ZCWPW1: variants seen among roughly 807,000 people sequenced by gnomAD.
ZCWPW1 encodes zinc finger CW-type PWWP domain protein 1.
Under a neutral mutation model 81.3 loss-of-function variants are expected in ZCWPW1, and 56 were observed. The ratio of observed to expected loss-of-function variants is 0.69; its 90% confidence interval spans 0.56 to 0.86. The LOEUF is 0.86. Ranked by LOEUF, ZCWPW1 falls within the 40% of genes least tolerant of loss-of-function variation. The pLI is 0.00. For synonymous variants in ZCWPW1, 250 were observed against 273.7 expected (o/e 0.91, Z 0.86); for missense variants, 650 against 769.8 (o/e 0.84, Z 1.84).
intron 9 of ZCWPW1, among the ~76,000 whole-genome samples, chr7:100,408,870 G>GCTGGAACCAGCTGAAATA (rs1793605301): frequency 6.7e-6 from 1 of 149,848 alleles, no homozygotes; most frequent in Non-Finnish European, 1.5e-5. Flanking sequence ...CAGCTGAAAT[G>GCTGGAACCAGCTGAAATA]CAGCTGGAGG....
At position 100,417,074 on chromosome 7, in the gene ZCWPW1, A is replaced by T. The variant is rs769041671; in HGVS notation, c.471T>A (p.Asn157Lys). Residue 157 changes from asparagine to lysine, a missense_variant, in exon 6 of 18, where the codon AAT (asparagine) becomes AAA (lysine). Transcript: ENST00000684423. ...CACTGAAATAAACTTACCCATTAGCATTATCAGTATCAGTAGCAGAAGCAG... is the reference window on the plus strand; with the variant it reads ...CACTGAAATAAACTTACCCATTAGCTTTATCAGTATCAGTAGCAGAAGCAG... ...GITASATDTD[N>K]ANGEEVPHTQ... The T allele has an allele frequency of 2.5e-6, 4 of 1,613,406 alleles. No individual in the cohort carries two copies. The Admixed American group carries it at 6.7e-5, about 27-fold the overall frequency.
intron 8 of ZCWPW1, among the ~76,000 whole-genome samples, chr7:100,412,712 G>A (rs1223226358): frequency 6.6e-6 from 1 of 152,098 alleles, no homozygotes; most frequent in Non-Finnish European, 1.5e-5. Flanking sequence ...CTCCCGAATA[G>A]CTGGGACTAC....
chr7:100,405,483 C>T (rs1260701054), intron 12 of ZCWPW1, among the ~76,000 whole-genome samples: 2 of 151,898 alleles, frequency 1.3e-5, no homozygotes, highest in African/African-American at 4.8e-5. Flanking sequence ...GAGAAGTGAC[C>T]CCAGCATACT....
At chr7:100,401,464 A>C in intron 17 of ZCWPW1, 128 bp from the exon 18 acceptor site, 1 of 902,782 alleles carries the variant, frequency 1.1e-6, no homozygotes, top group Non-Finnish European at 1.6e-6. Flanking sequence ...AATACAAAGA[A>C]TATGGACTTT....
At chr7:100,427,567 C>T (rs1446616711) in intron 1 of ZCWPW1, among the ~76,000 whole-genome samples, 2 of 151,878 alleles carry the variant, frequency 1.3e-5, no homozygotes, top group African/African-American at 4.8e-5. Flanking sequence ...GGCACAGTGG[C>T]GGGCGCCTGT....
At chr7:100,418,801 A>AT (rs200101141) in intron 5 of ZCWPW1, 3,220 of 162,082 alleles carry the variant, frequency 0.02, 49 homozygotes, top group Non-Finnish European at 0.03. Context: ...AAAAAAAAAA[A>AT]AATAATAAAT....
At chr7:100,411,272 T>TC (rs1563136831) in intron 8 of ZCWPW1, among the ~76,000 whole-genome samples, 1 of 151,418 alleles carries the variant, frequency 6.6e-6, no homozygotes, top group Non-Finnish European at 1.5e-5. Context: ...GCAATTACTT[T>TC]TTTTTTTTTT....
At chr7:100,408,071 G>A (rs371730970) in intron 10 of ZCWPW1, among the ~76,000 whole-genome samples, 13 of 151,952 alleles carry the variant, frequency 8.6e-5, no homozygotes, top group South Asian at 8.3e-4. Context: ...CTGCCTCAGC[G>A]TCCTGAGTAG....
chr7:100,426,674 C>T (rs1797415858), intron 1 of ZCWPW1, among the ~76,000 whole-genome samples: 1 of 146,092 alleles, frequency 6.8e-6, no homozygotes, highest in Non-Finnish European at 1.5e-5. Flanking sequence ...ACTCCTTCCT[C>T]CCTCTTCCCT....
At chr7:100,413,155 T>C (rs1374011212) in intron 8 of ZCWPW1, among the ~76,000 whole-genome samples, 2 of 152,214 alleles carry the variant, frequency 1.3e-5, no homozygotes. Flanking sequence ...CACCAAAGGA[T>C]CCTTTTAAAA....
chr7:100,403,556 G>C, intron 15 of ZCWPW1, 138 bp downstream of exon 15: 1 of 657,530 alleles, frequency 1.5e-6, no homozygotes, highest in South Asian at 1.9e-5. Flanking sequence ...AGGTGTGGTG[G>C]CTCATGCCTG....
chr7:100,408,098 G>A (rs1036757815), intron 10 of ZCWPW1, among the ~76,000 whole-genome samples: 4 of 152,070 alleles, frequency 2.6e-5, no homozygotes, highest in African/African-American at 9.7e-5. Flanking sequence ...CTACAGGCAC[G>A]CGCCACCACG....
intron 1 of ZCWPW1, among the ~76,000 whole-genome samples, chr7:100,428,010 T>C (rs1389718717): frequency 6.6e-6 from 1 of 151,792 alleles, no homozygotes; most frequent in Non-Finnish European, 1.5e-5. Context: ...GCTATTTTTT[T>C]TTTGTCTGTT....
chr7:100,412,647 T>A (rs748988354), intron 8 of ZCWPW1, among the ~76,000 whole-genome samples: 4 of 152,096 alleles, frequency 2.6e-5, no homozygotes, highest in Non-Finnish European at 5.9e-5. Flanking sequence ...AGTGGCACGA[T>A]CTCCACTCAC....
Position 100,419,146 on chromosome 7 carries a change from T to G in ZCWPW1, c.326A>C (p.Gln109Pro). Residue 109 changes from glutamine (Q) to proline (P), a missense_variant, in exon 5 of 18, where the codon CAG (glutamine) becomes CCG (proline). Physicochemically the swap from Gln to Pro is moderately conservative, Grantham distance 76 (BLOSUM62 -1). Transcript: ENST00000684423. ...CTGAAGGGACTTCTGCAGAACAATC[T>G]GGACAATCTCCTCAAATTCTGCATT... ...LTNAEFEEIV[Q>P]IVLQKSLQEC... 5 of 1,613,464 alleles carry G rather than the reference T, an allele frequency of 3.1e-6. No homozygotes were observed. The highest frequency in any genetic ancestry group is 1.7e-4 in the Middle Eastern group (1 of 6,060).
At position 100,409,192 on chromosome 7, in the gene ZCWPW1, C is replaced by T. The variant is rs77828802; in HGVS notation, c.871+236G>A. Reference sequence around the variant, plus strand: ...GGATTGACAGGGGCAGACCAATGCTCATGTATTTAGATTCCAGGCCCCTCC... The same window carrying T: ...GGATTGACAGGGGCAGACCAATGCTTATGTATTTAGATTCCAGGCCCCTCC... On this transcript the variant is annotated intron_variant, in intron 9 of 17. Transcript: ENST00000684423. 2.9e-3 allele frequency among the ~76,000 whole-genome samples: 446 copies of T among 152,204 alleles called. 2 individuals are homozygous for T. The highest frequency in any genetic ancestry group is 0.01 in the African/African-American group (421 of 41,538).
chr7:100,411,933 G>A (rs1794252851), intron 8 of ZCWPW1, among the ~76,000 whole-genome samples: 1 of 152,192 alleles, frequency 6.6e-6, no homozygotes, highest in Non-Finnish European at 1.5e-5. Flanking sequence ...ATGCCCGGAT[G>A]TGGCTCTATG....
At chr7:100,424,696 A>G (rs1796994159) in intron 2 of ZCWPW1, among the ~76,000 whole-genome samples, 1 of 152,046 alleles carries the variant, frequency 6.6e-6, no homozygotes, top group Non-Finnish European at 1.5e-5. Context: ...TCCTGACCTC[A>G]TGATCCACCT....
chr7:100,421,058 G>C (rs543951926), intron 2 of ZCWPW1, among the ~76,000 whole-genome samples: 1 of 152,368 alleles, frequency 6.6e-6, no homozygotes, highest in South Asian at 2.1e-4. Flanking sequence ...GCTGAGGTGA[G>C]AGGATCACTT....
Sources: allele counts gnomAD v4.1 joint callset (sites outside exome capture counted in the v4.1 genomes callset), GRCh38; gene constraint gnomAD v4.1.1; transcripts MANE v1.5; gene names NCBI Gene and HGNC (gene_info 2026-07-23, HGNC 2026-07-21).